The following CLEC2L variants were observed in gnomAD, a reference collection of about 807,000 sequenced individuals.
CLEC2L encodes C-type lectin domain family 2, member L.
CLEC2L carries 14 observed loss-of-function variants against 23.6 expected under a neutral mutation model. The ratio of observed to expected loss-of-function variants is 0.59; its 90% confidence interval spans 0.39 to 0.93. The LOEUF (loss-of-function observed/expected upper bound fraction) is 0.93, where lower values mean the gene tolerates loss of function less well. Among genes scored for constraint, CLEC2L ranks in the 40% least tolerant of loss-of-function variants. The pLI is 0.00. For synonymous variants in CLEC2L, 114 were observed against 121.3 expected (o/e 0.94, Z 0.40); for missense variants, 264 against 282.4 (o/e 0.93, Z 0.47).
chr7:139,535,487 C>T (rs1797639804), intron 1 of CLEC2L, among the ~76,000 whole-genome samples: 1 of 152,068 alleles, frequency 6.6e-6, no homozygotes, highest in African/African-American at 2.4e-5. Context: ...ATGCCACTAA[C>T]CGTACACTAA....
intron 4 of CLEC2L, among the ~76,000 whole-genome samples, chr7:139,542,686 C>T (rs892059004): frequency 1.3e-5 from 2 of 152,180 alleles, no homozygotes; most frequent in Non-Finnish European, 2.9e-5. Context: ...TCTTGATGGA[C>T]GGAGCGCTGC....
At chr7:139,541,388 T>A (rs1797733887) in intron 3 of CLEC2L, among the ~76,000 whole-genome samples, 1 of 152,100 alleles carries the variant, frequency 6.6e-6, no homozygotes, top group Admixed American at 6.5e-5. Context: ...ACATTGTCAT[T>A]TTCTAAAGAT....
chr7:139,541,412 C>G (rs928661839), intron 3 of CLEC2L, among the ~76,000 whole-genome samples: 3 of 152,102 alleles, frequency 2.0e-5, no homozygotes, highest in African/African-American at 7.2e-5. Context: ...AATCAGGACA[C>G]GGTCTCTCAT....
In CLEC2L at chr7:139,540,330, GCTGCATCAAGTGCGAAGCGCC is replaced by G; in HGVS notation, c.280_300del (p.Ile94_Cys100del). The G allele has an allele frequency of 6.2e-7, 1 of 1,609,586 alleles. No individual in the cohort carries two copies. Reference sequence around the variant, plus strand: ...GGTCTCTTCCCTGCAGCTTCCAAGGGCTGCATCAAGTGCGAAGCGCCCTGCCCGGAGGACTGGCTGCTCTAC... The same window carrying G: ...GGTCTCTTCCCTGCAGCTTCCAAGGGCTGCCCGGAGGACTGGCTGCTCTAC... On this transcript the variant is annotated inframe_deletion, in exon 3 of 5. Transcript: ENST00000422142. This position sits in a 1 kb window ranked among gnomAD's most constrained non-coding sequence, Gnocchi z 5.8.
chr7:139,531,355 A>G (rs1797580329), intron 1 of CLEC2L, among the ~76,000 whole-genome samples: 1 of 152,228 alleles, frequency 6.6e-6, no homozygotes, highest in Non-Finnish European at 1.5e-5. Context: ...GTATTCATAG[A>G]GCAGCAGCAA....
At chr7:139,532,638 G>T (rs1797596747) in intron 1 of CLEC2L, among the ~76,000 whole-genome samples, 1 of 152,176 alleles carries the variant, frequency 6.6e-6, no homozygotes, top group Admixed American at 6.5e-5. Context: ...TAATTGAGCG[G>T]TAATTAGATT....
chr7:139,543,260 C>T (rs1460215556), intron 4 of CLEC2L, among the ~76,000 whole-genome samples: 1 of 152,186 alleles, frequency 6.6e-6, no homozygotes, highest in Non-Finnish European at 1.5e-5. Flanking sequence ...CCTTATCTCA[C>T]CCCCTTTCCT....
intron 1 of CLEC2L, among the ~76,000 whole-genome samples, chr7:139,528,044 A>T (rs1797529717): frequency 6.6e-6 from 1 of 152,202 alleles, no homozygotes; most frequent in African/African-American, 2.4e-5. Flanking sequence ...GAAATCACAC[A>T]CATTTAGAAA....
chr7:139,524,140 C>T, intron 1 of CLEC2L, 23 bp downstream of exon 1: 1 of 1,216,332 alleles, frequency 8.2e-7, no homozygotes, highest in Non-Finnish European at 1.0e-6. Context: ...CGGCCTCCCT[C>T]TCCTGGCCCA....
intron 1 of CLEC2L, among the ~76,000 whole-genome samples, chr7:139,529,556 A>G (rs1797550473): frequency 6.6e-6 from 1 of 152,176 alleles, no homozygotes; most frequent in African/African-American, 2.4e-5. Flanking sequence ...GCTGCCACCA[A>G]GGACAGCAGA....
In CLEC2L at chr7:139,539,123, C is replaced by T. The variant is rs1797700556; in HGVS notation, c.266-1198C>T. 1 of 152,166 alleles carries T rather than the reference C, an allele frequency of 6.6e-6. No homozygotes were observed. Among genetic ancestry groups the T allele is most frequent in the Admixed American group, 6.5e-5 (1 of 15,276 alleles). 9.4% of individuals were successfully genotyped at this position (152,166 alleles called of 1,614,324 possible). On this transcript the variant is annotated intron_variant, in intron 2 of 4. Coordinates refer to ENST00000422142, the MANE Select transcript of CLEC2L (RefSeq NM_001080511.4). The surrounding 1 kb of genome is among the most constrained non-coding windows in gnomAD (Gnocchi z 4.1). Reference sequence around the variant, plus strand: ...CTGTTCTTGGCTCTGTCCTGGTCTACATTTTAATCAATCACTTGTATGAAA... The same window carrying T: ...CTGTTCTTGGCTCTGTCCTGGTCTATATTTTAATCAATCACTTGTATGAAA...
chr7:139,538,945 C>G (rs560738256), intron 2 of CLEC2L, among the ~76,000 whole-genome samples: 4 of 152,266 alleles, frequency 2.6e-5, no homozygotes, highest in Non-Finnish European at 5.9e-5. Flanking sequence ...TTAGGAGATC[C>G]TTATGGAAAA....
chr7:139,544,279 G>A lies in CLEC2L; in HGVS notation c.582G>A (p.Arg194=), dbSNP rs760384381. The change falls in exon 5 of 5, where the codon AGG becomes AGA. Residue 194 remains arginine (R), a synonymous_variant. Coordinates refer to ENST00000422142, the MANE Select transcript of CLEC2L (RefSeq NM_001080511.4). The stretch of plus-strand genomic sequence containing the variant: ...AGTGTGTCTTCGTGGAGCCCACCAG[G>A]CTGGTGTCGACGGAGTGTCTGATGA... ...PGECVFVEPT[R]LVSTECLMTR... is the part of the protein sequence containing the mutation. 2 of 1,613,636 alleles carry A rather than the reference G, an allele frequency of 1.2e-6. No homozygotes were observed. The highest frequency in any genetic ancestry group is 1.3e-5 in the African/African-American group (1 of 75,042).
intron 3 of CLEC2L, among the ~76,000 whole-genome samples, chr7:139,541,402 A>G (rs896421359): frequency 1.4e-4 from 21 of 152,210 alleles, no homozygotes; most frequent in African/African-American, 4.6e-4. Context: ...TAAAGATCCA[A>G]ATCAGGACAC....
intron 3 of CLEC2L, among the ~76,000 whole-genome samples, chr7:139,541,209 A>G (rs1228730361): frequency 6.7e-6 from 1 of 150,366 alleles, no homozygotes; most frequent in Non-Finnish European, 1.5e-5. Context: ...GGGTTTCACC[A>G]TGTTGGCCAG....
At position 139,544,392 on chromosome 7, in the gene CLEC2L, T is replaced by G; in HGVS notation, c.*50T>G. On this transcript the variant is annotated 3_prime_UTR_variant, in exon 5 of 5. Coordinates refer to ENST00000422142, the MANE Select transcript of CLEC2L (RefSeq NM_001080511.4). ...CGCCCCTAGGCCTGTGGGAGGTGTC[T>G]GGTGTCTGCTCAAGACCTGCTTCCA... is the stretch of plus-strand genomic sequence containing the variant. 1.5e-6 allele frequency: 2 copies of G among 1,342,168 alleles called. No homozygotes were observed. The highest frequency in any genetic ancestry group is 2.1e-6 in the Non-Finnish European group (2 of 951,912). The allele number at this position is 1,342,168 out of a possible 1,614,324, so 83.1% of individuals were successfully genotyped here.
intron 1 of CLEC2L, among the ~76,000 whole-genome samples, chr7:139,527,452 G>C (rs559870405): frequency 6.6e-6 from 1 of 152,292 alleles, no homozygotes; most frequent in Middle Eastern, 3.4e-3. Flanking sequence ...TGGGATTAGA[G>C]CCCAGGTCTT....
At position 139,540,382 on chromosome 7, in the gene CLEC2L, G is replaced by C; in HGVS notation, c.327G>C (p.Arg109Ser). 1 of 1,611,596 alleles carries C rather than the reference G, an allele frequency of 6.2e-7. No individual in the cohort carries two copies. Among genetic ancestry groups the C allele is most frequent in the Middle Eastern group, 1.7e-4 (1 of 6,038 alleles). ...PCPEDWLLYG[R>S]KCYFFSEEPR... ...CGGAGGACTGGCTGCTCTACGGAAG[G>C]AAGTGCTACTTCTTTTCCGAGGAAC... is the stretch of plus-strand genomic sequence containing the variant. Residue 109 changes from arginine (R) to serine (S), a missense_variant, in exon 3 of 5, where the codon AGG becomes AGC. Coordinates refer to ENST00000422142, the MANE Select transcript of CLEC2L (RefSeq NM_001080511.4). This position sits in a 1 kb window ranked among gnomAD's most constrained non-coding sequence, Gnocchi z 5.8.
chr7:139,542,021 G>A lies in CLEC2L; in HGVS notation c.433G>A (p.Glu145Lys). The change falls in exon 4 of 5, where the codon GAA (glutamate) becomes AAA (lysine). Residue 145 changes from glutamate (E) to lysine (K), a missense_variant and splice_region_variant. Transcript: ENST00000422142. ...LAVIQSQKEL[E>K]FMFKFTRREP... is the part of the protein sequence containing the mutation. ...AGGTGTCCCTTTTTCCTCGGTGCAG[G>A]AATTTATGTTCAAGTTCACGCGGAG... is the stretch of plus-strand genomic sequence containing the variant. The A allele has an allele frequency of 1.2e-6, 2 of 1,609,460 alleles. No individual in the cohort carries two copies. The highest frequency in any genetic ancestry group is 1.7e-6 in the Non-Finnish European group (2 of 1,177,646).
Sources: allele counts gnomAD v4.1 joint callset (sites outside exome capture counted in the v4.1 genomes callset), GRCh38; gene constraint gnomAD v4.1.1; non-coding constraint Gnocchi (gnomAD v3.1); transcripts MANE v1.5; gene names NCBI Gene and HGNC (gene_info 2026-07-23, HGNC 2026-07-21).